The following SMAP1 variants were observed in gnomAD, a reference collection of about 807,000 sequenced individuals.
The protein encoded by SMAP1 is stromal membrane-associated protein 1.
A neutral mutation model predicts 58.5 loss-of-function variants in SMAP1; 24 were observed. The observed-to-expected ratio is 0.41, with a 90% CI of 0.30 to 0.58. The LOEUF (loss-of-function observed/expected upper bound fraction) is 0.58, where lower values mean the gene tolerates loss of function less well. Ranked by LOEUF, SMAP1 falls within the 20% of genes least tolerant of loss-of-function variation. The pLI, the probability that SMAP1 is intolerant of heterozygous loss-of-function variation, is 0.29. For synonymous variants in SMAP1, 216 were observed against 196.6 expected, an observed-to-expected ratio of 1.10 and a Z score of -0.82; for missense variants, 563 against 566.3, an observed-to-expected ratio of 0.99 and a Z score of 0.06.
chr6:70,706,277 A>C (rs776009286), intron 1 of SMAP1, among the ~76,000 whole-genome samples: 9 of 152,218 alleles, frequency 5.9e-5, no homozygotes, highest in Non-Finnish European at 1.2e-4. Flanking sequence ...AGAAACAACA[A>C]AATTAAGTCT....
At chr6:70,821,691 C>T (rs1225929623) in intron 6 of SMAP1, among the ~76,000 whole-genome samples, 2 of 152,126 alleles carry the variant, frequency 1.3e-5, no homozygotes, top group Admixed American at 6.6e-5. Context: ...TATTACTTAA[C>T]AGAAAGCAAT....
chr6:70,715,103 C>CTTTTTTTTTTTTTTTTTTTTTTTT (rs34027498), intron 1 of SMAP1, among the ~76,000 whole-genome samples: 1 of 108,892 alleles, frequency 9.2e-6, no homozygotes. Context: ...TTTTTTTTTC[C>CTTTTTTTTTTTTTTTTTTTTTTTT]TTTTTTTTTT....
chr6:70,689,841 T>C (rs1219239325), intron 1 of SMAP1, among the ~76,000 whole-genome samples: 1 of 152,190 alleles, frequency 6.6e-6, no homozygotes, highest in Non-Finnish European at 1.5e-5. Context: ...AAAGATACTT[T>C]AAAAATTTTA....
At chr6:70,778,362 T>C (rs1450944401) in intron 4 of SMAP1, among the ~76,000 whole-genome samples, 3 of 152,254 alleles carry the variant, frequency 2.0e-5, no homozygotes, top group African/African-American at 7.2e-5. Context: ...ATATGACCTT[T>C]ATTATGTTGA....
intron 4 of SMAP1, among the ~76,000 whole-genome samples, chr6:70,787,684 A>T (rs138711228): frequency 1.6e-3 from 214 of 134,374 alleles, no homozygotes; most frequent in South Asian, 3.9e-3. Flanking sequence ...ATGCAGCCAA[A>T]AAACACATGA....
chr6:70,757,699 A>G (rs940428944), intron 3 of SMAP1, among the ~76,000 whole-genome samples: 12 of 152,072 alleles, frequency 7.9e-5, no homozygotes, highest in Admixed American at 2.0e-4. Context: ...CCCATCAAAA[A>G]GTGGGCGAAG....
intron 6 of SMAP1, among the ~76,000 whole-genome samples, chr6:70,823,355 C>G (rs1380021610): frequency 6.6e-6 from 1 of 152,144 alleles, no homozygotes. Flanking sequence ...GTGCCTCTAT[C>G]CTGCACCCCT....
At chr6:70,796,649 T>C (rs1357995658) in intron 5 of SMAP1, among the ~76,000 whole-genome samples, 1 of 152,184 alleles carries the variant, frequency 6.6e-6, no homozygotes, top group African/African-American at 2.4e-5. Context: ...GCCCAGGCAC[T>C]TGAGTAGATA....
intron 2 of SMAP1, among the ~76,000 whole-genome samples, chr6:70,752,924 T>C (rs1218600780): frequency 1.3e-5 from 2 of 152,166 alleles, no homozygotes; most frequent in East Asian, 3.8e-4. Flanking sequence ...TGGTCTCCTA[T>C]AGAAATGACT....
intron 1 of SMAP1, among the ~76,000 whole-genome samples, chr6:70,679,175 C>T (rs1766601736): frequency 6.6e-6 from 1 of 152,026 alleles, no homozygotes; most frequent in Admixed American, 6.6e-5. Flanking sequence ...TGTGCCACCA[C>T]ACCCGCCTAA....
intron 1 of SMAP1, among the ~76,000 whole-genome samples, chr6:70,706,634 A>G (rs906920178): frequency 7.2e-5 from 11 of 152,204 alleles, no homozygotes; most frequent in Non-Finnish European, 1.6e-4. Flanking sequence ...AAAATTTTTA[A>G]GAATTGCATA....
intron 6 of SMAP1, among the ~76,000 whole-genome samples, chr6:70,811,896 C>G (rs1769404276): frequency 6.6e-6 from 1 of 152,092 alleles, no homozygotes; most frequent in African/African-American, 2.4e-5. Context: ...TGGGTCGTAC[C>G]AAATCTTGTA....
intron 4 of SMAP1, among the ~76,000 whole-genome samples, chr6:70,787,739 A>C (rs2149936548): frequency 6.6e-6 from 1 of 151,540 alleles, no homozygotes; most frequent in African/African-American, 2.4e-5. Flanking sequence ...GCAAATCAAA[A>C]CCACAATGAG....
At chr6:70,681,948 G>A (rs191856002) in intron 1 of SMAP1, among the ~76,000 whole-genome samples, 123 of 152,134 alleles carry the variant, frequency 8.1e-4, no homozygotes, top group African/African-American at 2.9e-3. Flanking sequence ...AGCAAGTGTG[G>A]CATATCTAGG....
At chr6:70,681,330 G>A (rs1440287893) in intron 1 of SMAP1, among the ~76,000 whole-genome samples, 1 of 152,126 alleles carries the variant, frequency 6.6e-6, no homozygotes, top group East Asian at 1.9e-4. Context: ...TATTTGGGAG[G>A]CTAGGGTAGG....
Position 70,856,901 on chromosome 6 carries a change from A to G in SMAP1, c.832A>G (p.Thr278Ala). 5 of 1,613,794 alleles carry G rather than the reference A, an allele frequency of 3.1e-6. No individual in the cohort carries two copies. The highest frequency in any genetic ancestry group is 1.3e-5 in the African/African-American group (1 of 75,052). ...AGCAGCTGCAACCCTGTCTACAGTA[A>G]CATCTGGGGATCTAGATTTATTCAC... ...APAAATLSTV[T>A]SGDLDLFTEQ... Residue 278 changes from threonine to alanine, a missense_variant, in exon 9 of 11, where the codon ACA becomes GCA. Around this residue, in one of 3 missense-constraint regions of SMAP1, gnomAD observed 494 missense variants for 473.8 expected, o/e 1.04. Coordinates refer to ENST00000370455, the MANE Select transcript of SMAP1 (RefSeq NM_001044305.3).
At chr6:70,807,687 AAAT>A (rs1436828730) in intron 6 of SMAP1, among the ~76,000 whole-genome samples, 1 of 152,208 alleles carries the variant, frequency 6.6e-6, no homozygotes, top group African/African-American at 2.4e-5. Flanking sequence ...GGAACATGCA[AAAT>A]AATCTTTTCT....
intron 5 of SMAP1, among the ~76,000 whole-genome samples, chr6:70,795,184 A>G (rs557612370): frequency 6.6e-6 from 1 of 152,230 alleles, no homozygotes; most frequent in East Asian, 1.9e-4. Context: ...GTATCAAGTC[A>G]TGCTCTCCCT....
At chr6:70,789,562 A>G (rs2149940236) in intron 4 of SMAP1, among the ~76,000 whole-genome samples, 1 of 148,044 alleles carries the variant, frequency 6.8e-6, no homozygotes, top group Admixed American at 6.7e-5. Context: ...CAACTGGAAC[A>G]TGGTATTAAA....
Sources: allele counts gnomAD v4.1 joint callset (sites outside exome capture counted in the v4.1 genomes callset), GRCh38; gene constraint gnomAD v4.1.1; regional missense constraint gnomAD v4.1.1; transcripts MANE v1.5; gene names NCBI Gene and HGNC (gene_info 2026-07-23, HGNC 2026-07-21).